Variants in RAD52 observed in about 807,000 individuals in gnomAD.
RAD52 encodes the protein RAD52 DNA repair protein, also known as DNA repair protein RAD52 homolog.
RAD52 carries 47 observed loss-of-function variants against 55.5 expected under a neutral mutation model. The ratio of observed to expected loss-of-function variants is 0.85; its 90% CI spans 0.67 to 1.08. The LOEUF is 1.08. RAD52 is among the 50% of genes least tolerant of loss of function. The pLI, the probability that RAD52 is intolerant of heterozygous loss-of-function variation, is 0.00. For missense variants in RAD52, 468 were observed against 522.8 expected (o/e 0.90, Z 1.02); for synonymous variants, 184 against 198.9 (o/e 0.92, Z 0.63).
At chr12:965,975 T>G (rs140934041) in intron 1 of RAD52, among the ~76,000 whole-genome samples, 1 of 151,616 alleles carries the variant, frequency 6.6e-6, no homozygotes, top group Non-Finnish European at 1.5e-5. Context: ...TGAACCACTG[T>G]GCCTGGCTGT....
At chr12:969,022 G>C (rs760662052) in intron 1 of RAD52, among the ~76,000 whole-genome samples, 11 of 152,076 alleles carry the variant, frequency 7.2e-5, no homozygotes, top group Non-Finnish European at 1.6e-4. Context: ...CATCTGTACT[G>C]AACATGTATA....
At chr12:942,897 C>T (rs972978708) in intron 1 of RAD52, among the ~76,000 whole-genome samples, 3 of 152,066 alleles carry the variant, frequency 2.0e-5, no homozygotes, top group African/African-American at 7.2e-5. Context: ...TTCTGTTCAT[C>T]AGACAACTCT....
chr12:953,780 TC>T (rs1262944153), upstream of RAD52, among the ~76,000 whole-genome samples: 17 of 152,190 alleles, frequency 1.1e-4, no homozygotes, highest in Admixed American at 1.1e-3. Flanking sequence ...ATGGTGTACA[TC>T]CACCATATTT....
At chr12:982,966 C>T (rs1292095676) in intron 1 of RAD52, among the ~76,000 whole-genome samples, 4 of 152,148 alleles carry the variant, frequency 2.6e-5, no homozygotes, top group Non-Finnish European at 5.9e-5. Context: ...TCTCTTGCCT[C>T]AGCCTCCCCA....
rs556427901 is a variant in RAD52 at position 929,967 on chromosome 12, A to T, written c.281-81T>A. On this transcript the variant is annotated intron_variant, in intron 4 of 11. Coordinates refer to ENST00000358495, the MANE Select transcript of RAD52 (RefSeq NM_134424.4). The stretch of plus-strand genomic sequence containing the variant: ...ATTCCTCCTGCTGGCAGCTGAGTCC[A>T]CCTACCTTACCTCCTCACCCACAGC... 2.6e-6 allele frequency: 4 copies of T among 1,567,724 alleles called. No individual in the cohort carries two copies. In the East Asian group the frequency reaches 9.0e-5, roughly 35 times the overall value.
intron 1 of RAD52, among the ~76,000 whole-genome samples, chr12:959,367 G>A (rs904158248): frequency 6.6e-6 from 1 of 152,182 alleles, no homozygotes; most frequent in African/African-American, 2.4e-5. Context: ...CCTATCAGGA[G>A]TGAGCATTGT....
chr12:932,038 C>A (rs1476087402), intron 2 of RAD52, among the ~76,000 whole-genome samples: 3 of 152,164 alleles, frequency 2.0e-5, no homozygotes, highest in African/African-American at 4.8e-5. Flanking sequence ...AGGAATAGGA[C>A]CCCCAGTAAC....
At position 916,441 on chromosome 12, in the gene RAD52, C is replaced by G; in HGVS notation, c.768G>C (p.Gln256His). ...SSAVESEATH[Q>H]RKLRQKQLQQ... ...GCAGCTGCTTCTGCCGGAGCTTCCG[C>G]TGGTGCGTGGCCTCGCTCTCCACGG... is the stretch of plus-strand genomic sequence containing the variant. Residue 256 changes from glutamine (Q) to histidine (H), a missense_variant, in exon 9 of 12, where the codon CAG becomes CAC. Gln to His is a conservative substitution (Grantham distance 24, BLOSUM62 0). Transcript: ENST00000358495. 3 of 1,607,768 alleles carry G rather than the reference C, an allele frequency of 1.9e-6. No homozygotes were observed. Among genetic ancestry groups the G allele is most frequent in the East Asian group, 2.2e-5 (1 of 44,764 alleles).
intron 1 of RAD52, among the ~76,000 whole-genome samples, chr12:969,791 T>TAA (rs74508860): frequency 7.2e-6 from 1 of 138,960 alleles, no homozygotes; most frequent in Non-Finnish European, 1.6e-5. Context: ...CCCTGACTCT[T>TAA]AAAAAAAAAA....
intron 7 of RAD52, among the ~76,000 whole-genome samples, chr12:920,641 A>G (rs1956676196): frequency 6.6e-6 from 1 of 152,246 alleles, no homozygotes; most frequent in African/African-American, 2.4e-5. Context: ...GAGGTCCTAA[A>G]TATATGAAGC....
At chr12:964,956 CGCCT>C (rs1023147471) in intron 1 of RAD52, among the ~76,000 whole-genome samples, 1 of 22,516 alleles carries the variant, frequency 4.4e-5, no homozygotes, top group African/African-American at 1.2e-4. Context: ...TTTGCCTGCC[CGCCT>C]GCCTGCCTTC....
intron 1 of RAD52, among the ~76,000 whole-genome samples, chr12:945,786 A>G (rs1284953997): frequency 1.3e-5 from 2 of 148,780 alleles, no homozygotes; most frequent in African/African-American, 4.9e-5. Flanking sequence ...GCACTTTGGG[A>G]GGCCGAGGCA....
chr12:952,216 G>A (rs1958538221), upstream of RAD52, among the ~76,000 whole-genome samples: 1 of 152,048 alleles, frequency 6.6e-6, no homozygotes, highest in East Asian at 1.9e-4. Context: ...CTCCCACCTT[G>A]GCCTCCCAAA....
chr12:917,872 A>G (rs1449175810), intron 7 of RAD52, among the ~76,000 whole-genome samples: 1 of 151,794 alleles, frequency 6.6e-6, no homozygotes, highest in Non-Finnish European at 1.5e-5. Context: ...CCTGGGAGAC[A>G]GAGGTTGCAG....
At chr12:938,253 G>A (rs534595484) in intron 1 of RAD52, among the ~76,000 whole-genome samples, 24 of 152,320 alleles carry the variant, frequency 1.6e-4, no homozygotes, top group African/African-American at 5.5e-4. Flanking sequence ...CATTGAGGTA[G>A]TATTTCTACC....
intron 1 of RAD52, among the ~76,000 whole-genome samples, chr12:945,972 G>A (rs1161937970): frequency 2.6e-5 from 4 of 151,796 alleles, no homozygotes; most frequent in African/African-American, 7.3e-5. Context: ...GCAGTGAGCC[G>A]AGATCACGCC....
rs570500645 is a variant in RAD52, at chr12:914,292, G to C, written c.967+139C>G. 55 of 1,361,716 alleles carry C rather than the reference G, an allele frequency of 4.0e-5. No homozygotes were observed. The East Asian group carries it at 1.4e-3, about 34-fold the overall frequency. The allele number at this position is 1,361,716 out of a possible 1,614,324, so 84.4% of individuals were successfully genotyped here. A position where few individuals can be genotyped will look rare whatever the true frequency, so the allele number is the denominator to read the frequency against. The stretch of plus-strand genomic sequence containing the variant: ...ACTTCCCTTTGGTTAGGACCAAAGA[G>C]GAACTGGACATATGCTATCAGCCAG... On this transcript the variant is annotated intron_variant, in intron 10 of 11. Coordinates refer to ENST00000358495, the MANE Select transcript of RAD52 (RefSeq NM_134424.4).
intron 1 of RAD52, among the ~76,000 whole-genome samples, chr12:945,831 C>T (rs1019971136): frequency 4.0e-5 from 6 of 151,060 alleles, no homozygotes; most frequent in African/African-American, 7.3e-5. Context: ...GAGACCAGCC[C>T]GGCCAACATG....
chr12:956,846 C>T (rs1164425521), intron 1 of RAD52, among the ~76,000 whole-genome samples: 1 of 152,162 alleles, frequency 6.6e-6, no homozygotes, highest in Non-Finnish European at 1.5e-5. Context: ...CGCGCCTGGC[C>T]CCATTTCCAT....
Sources: gnomAD v4.1 joint callset for allele counts (sites outside exome capture counted in the v4.1 genomes callset) on GRCh38, gnomAD v4.1.1 for gene constraint, MANE v1.5 for transcripts, NCBI Gene and HGNC (gene_info 2026-07-23, HGNC 2026-07-21) for gene names.